The following ZNF385D variants were observed in gnomAD, a reference collection of about 807,000 sequenced individuals.
ZNF385D encodes zinc finger protein 659.
Under a neutral mutation model 35.8 loss-of-function variants are expected in ZNF385D, and 15 were observed. The ratio of observed to expected loss-of-function variants is 0.42; its 90% CI spans 0.28 to 0.64. ZNF385D has a LOEUF of 0.64. Among genes scored for constraint, ZNF385D ranks in the 30% least tolerant of loss-of-function variants. ZNF385D has a pLI of 0.23. For missense variants in ZNF385D, 474 were observed against 494.6 expected, an observed-to-expected ratio of 0.96 and a Z score of 0.39; for synonymous variants, 212 against 186.8, an observed-to-expected ratio of 1.13 and a Z score of -1.10.
chr3:22,123,022 C>A (rs1045955764), intron 3 of ZNF385D, among the ~76,000 whole-genome samples: 1 of 152,096 alleles, frequency 6.6e-6, no homozygotes, highest in Non-Finnish European at 1.5e-5. Context: ...AATGGGTTGT[C>A]ATGGAGGACA....
chr3:21,974,742 A>G (rs1214417683), intron 3 of ZNF385D, among the ~76,000 whole-genome samples: 2 of 152,038 alleles, frequency 1.3e-5, no homozygotes, highest in Admixed American at 1.3e-4. Context: ...AACCAATCCA[A>G]TTTAAAATGG....
chr3:21,673,486 C>T (rs767373976), intron 1 of ZNF385D, among the ~76,000 whole-genome samples: 3 of 152,102 alleles, frequency 2.0e-5, no homozygotes, highest in African/African-American at 7.2e-5. Context: ...GGGAGAGAAA[C>T]TCTTGCTTTC....
At chr3:21,662,663 T>A (rs2066274622) in intron 2 of ZNF385D, among the ~76,000 whole-genome samples, 1 of 152,174 alleles carries the variant, frequency 6.6e-6, no homozygotes, top group Admixed American at 6.6e-5. Context: ...TGGCTGGCTA[T>A]ACCTTGACCA....
At chr3:21,743,416 T>C (rs543791406) in intron 1 of ZNF385D, among the ~76,000 whole-genome samples, 43 of 152,378 alleles carry the variant, frequency 2.8e-4, no homozygotes, top group African/African-American at 9.4e-4. Flanking sequence ...TGAGGCCAAC[T>C]GTCTTAATCT....
chr3:21,599,091 CTT>C (rs767779266), intron 2 of ZNF385D, among the ~76,000 whole-genome samples: 5 of 152,208 alleles, frequency 3.3e-5, no homozygotes, highest in African/African-American at 4.8e-5. Flanking sequence ...CACCTATAAA[CTT>C]TTCTACAGGA....
intron 3 of ZNF385D, among the ~76,000 whole-genome samples, chr3:22,056,730 A>G (rs531045361): frequency 5.9e-5 from 9 of 152,358 alleles, no homozygotes; most frequent in Non-Finnish European, 1.2e-4. Flanking sequence ...GTGGATTAAA[A>G]CAATTGCCAT....
intron 3 of ZNF385D, among the ~76,000 whole-genome samples, chr3:22,103,278 C>G (rs1013618139): frequency 3.3e-5 from 5 of 151,244 alleles, no homozygotes; most frequent in African/African-American, 1.2e-4. Context: ...AGGGCAAGGG[C>G]CATATCTAAT....
At chr3:21,940,660 T>G (rs897882557) in intron 3 of ZNF385D, among the ~76,000 whole-genome samples, 1 of 152,156 alleles carries the variant, frequency 6.6e-6, no homozygotes, top group Non-Finnish European at 1.5e-5. Flanking sequence ...ATATGTAATA[T>G]AGTTCACTAT....
At chr3:22,177,007 C>T (rs1694877185) in intron 2 of ZNF385D, among the ~76,000 whole-genome samples, 1 of 151,918 alleles carries the variant, frequency 6.6e-6, no homozygotes, top group African/African-American at 2.4e-5. Flanking sequence ...TTTTTTTAGC[C>T]AACAGTACAC....
At chr3:21,809,527 A>AGATT (rs2072809053) in intron 3 of ZNF385D, among the ~76,000 whole-genome samples, 1 of 151,736 alleles carries the variant, frequency 6.6e-6, no homozygotes, top group Non-Finnish European at 1.5e-5. Flanking sequence ...TGAAACAAGT[A>AGATT]GATTGTGATA....
intron 2 of ZNF385D, among the ~76,000 whole-genome samples, chr3:21,583,741 TATTC>T (rs2063730839): frequency 6.6e-6 from 1 of 151,310 alleles, no homozygotes; most frequent in South Asian, 2.1e-4. Context: ...CAGTTATTTT[TATTC>T]ATTCAATATA....
At chr3:21,652,325 A>T (rs1318114200) in intron 2 of ZNF385D, among the ~76,000 whole-genome samples, 3 of 152,164 alleles carry the variant, frequency 2.0e-5, no homozygotes, top group Admixed American at 2.0e-4. Flanking sequence ...AAGACCACAG[A>T]CCTGGGGCAT....
chr3:22,189,960 T>A (rs973324103), intron 2 of ZNF385D, among the ~76,000 whole-genome samples: 2 of 152,140 alleles, frequency 1.3e-5, no homozygotes, highest in African/African-American at 2.4e-5. Context: ...AACCCTCATA[T>A]TACCATCTGT....
At chr3:22,102,374 A>T (rs962120475) in intron 3 of ZNF385D, among the ~76,000 whole-genome samples, 14 of 152,078 alleles carry the variant, frequency 9.2e-5, no homozygotes, top group Non-Finnish European at 1.6e-4. Context: ...TTAGTCCAAG[A>T]TTGCTTAGAT....
At chr3:22,179,485 G>T (rs904254880) in intron 2 of ZNF385D, among the ~76,000 whole-genome samples, 1 of 152,234 alleles carries the variant, frequency 6.6e-6, no homozygotes, top group Non-Finnish European at 1.5e-5. Context: ...GGAGATTTTG[G>T]GCTGAGACGA....
chr3:21,979,870 T>C (rs547494521), intron 3 of ZNF385D: 7 of 152,306 alleles, frequency 4.6e-5, no homozygotes, highest in East Asian at 3.9e-4. Context: ...AGAGAGTAAC[T>C]ATTGCTGTTG....
intron 3 of ZNF385D, among the ~76,000 whole-genome samples, chr3:21,804,790 A>T (rs370846496): frequency 6.6e-6 from 1 of 152,170 alleles, no homozygotes; most frequent in Non-Finnish European, 1.5e-5. Flanking sequence ...TTTGTTCAAG[A>T]TCACAAATAA....
intron 1 of ZNF385D, among the ~76,000 whole-genome samples, chr3:21,722,910 T>C (rs1245336547): frequency 6.6e-6 from 1 of 152,200 alleles, no homozygotes; most frequent in Admixed American, 6.5e-5. Context: ...CTTTTGGATG[T>C]TGGGTCTATG....
intron 1 of ZNF385D, among the ~76,000 whole-genome samples, chr3:21,683,618 A>G (rs568086469): frequency 1.3e-5 from 2 of 148,566 alleles, no homozygotes; most frequent in Non-Finnish European, 3.0e-5. Flanking sequence ...CTCCATCTCA[A>G]AAAAAAAAGA....
Sources: gnomAD v4.1 joint callset for allele counts (sites outside exome capture counted in the v4.1 genomes callset) on GRCh38, gnomAD v4.1.1 for gene constraint, MANE v1.5 for transcripts, NCBI Gene and HGNC (gene_info 2026-07-23, HGNC 2026-07-21) for gene names.